The following SMARCA2 variants were observed in gnomAD, a reference collection of about 807,000 sequenced individuals.
The protein encoded by SMARCA2 is SWI/SNF related BAF chromatin remodeling complex subunit ATPase 2.
Under a neutral mutation model 199.8 loss-of-function variants are expected in SMARCA2, and 61 were observed. That is an observed-to-expected ratio of 0.31 (90% CI 0.25 to 0.38). The LOEUF is 0.38. Ranked by LOEUF, SMARCA2 falls within the 10% of genes least tolerant of loss-of-function variation. The pLI, the probability that SMARCA2 is intolerant of heterozygous loss-of-function variation, is 1.00. For missense variants in SMARCA2, 1,344 were observed against 2,012.2 expected (o/e 0.67, Z 6.35); for synonymous variants, 935 against 732.0 (o/e 1.28, Z -4.48).
chr9:2,160,709 A>G, intron 27 of SMARCA2: 1 of 612,456 alleles, frequency 1.6e-6, no homozygotes, highest in South Asian at 2.0e-5. Context: ...GGCAGGAGGA[A>G]CAAATAACAA....
At chr9:2,102,072 A>C (rs1357286705) in intron 22 of SMARCA2, among the ~76,000 whole-genome samples, 1 of 152,058 alleles carries the variant, frequency 6.6e-6, no homozygotes, top group African/African-American at 2.4e-5. Context: ...TTTCATTAGC[A>C]ATGGATGTTA....
rs1333584304 is a variant in SMARCA2, at chr9:2,124,043, A to G, written c.3981+106A>G. 4.7e-5 allele frequency: 39 copies of G among 835,462 alleles called. No individual in the cohort carries two copies. The East Asian group carries it at 9.8e-4, about 21-fold the overall frequency. 51.8% of individuals were successfully genotyped at this position (835,462 alleles called of 1,614,324 possible). A position where few individuals can be genotyped will look rare whatever the true frequency, so the allele number is the denominator to read the frequency against. ...ATTTTCTGAGGAGGTTGAGTTCGCA[A>G]TCAAAGGGAAGGGGCTCTTGAACAC... On this transcript the variant is annotated intron_variant, in intron 27 of 33. Transcript: ENST00000349721.
At chr9:2,163,007 G>GCACA (rs1467818815) in intron 28 of SMARCA2, 6 of 152,234 alleles carry the variant, frequency 3.9e-5, no homozygotes, top group Admixed American at 2.0e-4. Flanking sequence ...ACCTGTAAGT[G>GCACA]TTTAACATGA....
At chr9:2,077,886 A>T (rs920514840) in intron 14 of SMARCA2, 110 bp downstream of exon 14, 33 of 955,040 alleles carry the variant, frequency 3.5e-5, no homozygotes, top group African/African-American at 6.6e-5. Flanking sequence ...ATTTTAGGCC[A>T]CATCACTTAT....
Position 2,070,346 on chromosome 9 carries a change from C to T in SMARCA2, c.1693-72C>T, listed in dbSNP as rs187603921. 2,118 of 1,203,640 alleles carry T rather than the reference C, an allele frequency of 1.8e-3. 3 individuals carry two copies. Among genetic ancestry groups the T allele is most frequent in the Non-Finnish European group, 2.5e-3 (2,001 of 810,600 alleles). The allele number at this position is 1,203,640 out of a possible 1,614,324, so 74.6% of individuals were successfully genotyped here. ...GTAACAATGAAATCCTATTACATAC[C>T]GGAGAGTTACCAGGAAGTCCTGTAC... On this transcript the variant is annotated intron_variant, in intron 9 of 33. Transcript: ENST00000349721.
chr9:2,043,093 A>C (rs975886262), intron 4 of SMARCA2: 1 of 152,158 alleles, frequency 6.6e-6, no homozygotes, highest in Non-Finnish European at 1.5e-5. Flanking sequence ...TTATAAAATA[A>C]ATTACTTTTA....
At chr9:2,092,159 C>G (rs1387279762) in intron 19 of SMARCA2, among the ~76,000 whole-genome samples, 1 of 152,152 alleles carries the variant, frequency 6.6e-6, no homozygotes, top group Non-Finnish European at 1.5e-5. Context: ...TGTGCTGACT[C>G]TTTTGTTAAT....
At chr9:2,187,411 A>T (rs544468910) in intron 32 of SMARCA2, among the ~76,000 whole-genome samples, 1 of 152,128 alleles carries the variant, frequency 6.6e-6, no homozygotes, top group Non-Finnish European at 1.5e-5. Flanking sequence ...TTGGCTCACA[A>T]ATATAATCCG....
chr9:2,159,137 A>C (rs1232466689), intron 27 of SMARCA2, among the ~76,000 whole-genome samples: 1 of 152,238 alleles, frequency 6.6e-6, no homozygotes, highest in Non-Finnish European at 1.5e-5. Flanking sequence ...TTAAAAGTCC[A>C]AATATCACAA....
intron 12 of SMARCA2, among the ~76,000 whole-genome samples, chr9:2,073,849 C>G (rs1213974163): frequency 2.6e-5 from 4 of 152,116 alleles, no homozygotes; most frequent in Admixed American, 2.6e-4. Context: ...CTGGCACATT[C>G]TAAATTCACT....
At chr9:2,182,537 A>G (rs1274559361) in intron 31 of SMARCA2, among the ~76,000 whole-genome samples, 2 of 122,580 alleles carry the variant, frequency 1.6e-5, no homozygotes, top group Non-Finnish European at 3.2e-5. Context: ...ACTGTCTCCC[A>G]GGCTGGAGTG....
intron 27 of SMARCA2, among the ~76,000 whole-genome samples, chr9:2,140,188 C>T (rs981741328): frequency 3.9e-5 from 6 of 152,212 alleles, no homozygotes; most frequent in African/African-American, 1.4e-4. Flanking sequence ...TTTAAATCCC[C>T]TGCATACTGT....
At chr9:2,136,693 G>A (rs1302854956) in intron 27 of SMARCA2, among the ~76,000 whole-genome samples, 2 of 152,120 alleles carry the variant, frequency 1.3e-5, no homozygotes, top group African/African-American at 4.8e-5. Context: ...CCAGGTTTGA[G>A]AGAGACTATT....
At position 2,181,637 on chromosome 9, in the gene SMARCA2, T is replaced by C; in HGVS notation, c.4320T>C (p.Tyr1440=). The change falls in exon 30 of 34, where the codon TAT becomes TAC. Residue 1440 remains tyrosine, a synonymous_variant. Transcript: ENST00000349721. The part of the protein sequence containing the change: ...LPSRKELPEY[Y]ELIRKPVDFK... ...CAAGGAAAGAATTACCAGAATACTA[T>C]GAATTAATTAGGAAGCCAGTGGATT... 1.3e-6 allele frequency: 2 copies of C among 1,584,990 alleles called. No homozygotes were observed. The highest frequency in any genetic ancestry group is 1.7e-6 in the Non-Finnish European group (2 of 1,153,636).
At chr9:2,033,148 T>C in intron 3 of SMARCA2, 67 bp downstream of exon 3, 1 of 1,545,630 alleles carries the variant, frequency 6.5e-7, no homozygotes, top group South Asian at 1.2e-5. Context: ...CTGTTGGATA[T>C]TTTAATTATG....
chr9:2,103,987 A>T lies in SMARCA2; in HGVS notation c.3126-16A>T. ...AGTAATACTGTCTTCTTGTTTTTGCATTTTTTTGGGTTCAGGGCTGAACTG... is the reference window on the plus strand; with the variant it reads ...AGTAATACTGTCTTCTTGTTTTTGCTTTTTTTTGGGTTCAGGGCTGAACTG... On this transcript the variant is annotated splice_polypyrimidine_tract_variant and intron_variant, in intron 22 of 33. Transcript: ENST00000349721. The T allele has an allele frequency of 1.2e-6, 2 of 1,607,052 alleles. No individual in the cohort carries two copies. The highest frequency in any genetic ancestry group is 1.7e-5 in the Admixed American group (1 of 58,606).
chr9:2,173,210 A>G (rs1826351264), intron 29 of SMARCA2, among the ~76,000 whole-genome samples: 2 of 152,188 alleles, frequency 1.3e-5, no homozygotes, highest in Admixed American at 1.3e-4. Flanking sequence ...GCACATGTGC[A>G]TGTATGTAGT....
At chr9:2,061,053 A>G in intron 9 of SMARCA2, 67 bp downstream of exon 9, 2 of 1,451,572 alleles carry the variant, frequency 1.4e-6, no homozygotes, top group Non-Finnish European at 9.4e-7. Flanking sequence ...TAAGGCGAGT[A>G]TTGCTCTTTA....
At chr9:2,144,695 A>T (rs185070711) in intron 27 of SMARCA2, among the ~76,000 whole-genome samples, 64 of 152,292 alleles carry the variant, frequency 4.2e-4, no homozygotes, top group African/African-American at 1.4e-3. Flanking sequence ...GATCAGTAAA[A>T]TTAACAGCCT....
Sources: gnomAD v4.1 joint callset for allele counts (sites outside exome capture counted in the v4.1 genomes callset) on GRCh38, gnomAD v4.1.1 for gene constraint, MANE v1.5 for transcripts, NCBI Gene and HGNC (gene_info 2026-07-23, HGNC 2026-07-21) for gene names.